The following RYR3 variants were observed in gnomAD, a reference collection of about 807,000 sequenced individuals.
RYR3 encodes ryanodine receptor 3.
Under a neutral mutation model 584.3 loss-of-function variants are expected in RYR3, and 207 were observed. The ratio of observed to expected loss-of-function variants is 0.35; its 90% CI spans 0.32 to 0.40. RYR3 has a LOEUF of 0.40. RYR3 is among the 10% of genes least tolerant of loss of function. The probability of loss-of-function intolerance (pLI) is 1.00; values close to 1 mark genes in which losing one functional copy is unlikely to be tolerated. For missense variants in RYR3, 5,616 were observed against 6,089.2 expected, an observed-to-expected ratio of 0.92 and a Z score of 2.59; for synonymous variants, 2,416 against 2,248.5, an observed-to-expected ratio of 1.07 and a Z score of -2.11.
At chr15:33,754,998 C>T in intron 57 of RYR3, 67 bp from the exon 58 acceptor site, 2 of 818,112 alleles carry the variant, frequency 2.4e-6, no homozygotes, top group South Asian at 1.4e-5. Context: ...ACTGGTAGGA[C>T]TGGTGGTGCA....
At chr15:33,490,460 C>A (rs537394367) in intron 2 of RYR3, among the ~76,000 whole-genome samples, 1 of 152,256 alleles carries the variant, frequency 6.6e-6, no homozygotes, top group African/African-American at 2.4e-5. Flanking sequence ...AATATCATCT[C>A]TTTGGGGTGG....
chr15:33,509,246 G>C (rs1445017265), intron 3 of RYR3, among the ~76,000 whole-genome samples: 1 of 152,200 alleles, frequency 6.6e-6, no homozygotes, highest in African/African-American at 2.4e-5. Context: ...AACTGTGGCT[G>C]TGCCAAGATT....
At chr15:33,426,090 T>G (rs1490027245) in intron 1 of RYR3, among the ~76,000 whole-genome samples, 1 of 152,154 alleles carries the variant, frequency 6.6e-6, no homozygotes, top group South Asian at 2.1e-4. Flanking sequence ...GAAGAGGTAT[T>G]TAATGTGAGA....
chr15:33,376,763 C>T (rs958051759), intron 1 of RYR3, among the ~76,000 whole-genome samples: 1 of 152,212 alleles, frequency 6.6e-6, no homozygotes, highest in Admixed American at 6.5e-5. Flanking sequence ...ACTTTCACAT[C>T]CATGTCTGTG....
intron 1 of RYR3, among the ~76,000 whole-genome samples, chr15:33,423,779 A>T (rs1012582369): frequency 6.6e-6 from 1 of 152,186 alleles, no homozygotes; most frequent in African/African-American, 2.4e-5. Context: ...AGCTTTGAAC[A>T]CATTTTTGTT....
Position 33,821,359 on chromosome 15 carries a change from C to T in RYR3, c.10905C>T (p.Ser3635=), listed in dbSNP as rs374681133. 18 of 1,601,044 alleles carry T rather than the reference C, an allele frequency of 1.1e-5. No homozygotes were observed. Among genetic ancestry groups the T allele is most frequent in the South Asian group, 3.4e-5 (3 of 88,216 alleles). Residue 3635 remains serine (S), a synonymous_variant, in exon 79 of 104, where the codon AGC becomes AGT. Coordinates refer to ENST00000634891, the MANE Select transcript of RYR3 (RefSeq NM_001036.6). ...CAGAGATGGTCCTTCAGATGATAAG[C>T]GCTAGCAAAGGTGATTTCCCTAGTT... ...GAAEMVLQMI[S]ASKGEMSPMV...
chr15:33,461,236 G>A (rs1596245310), intron 1 of RYR3, among the ~76,000 whole-genome samples: 1 of 151,972 alleles, frequency 6.6e-6, no homozygotes, highest in African/African-American at 2.4e-5. Flanking sequence ...GAGCCACCGC[G>A]CCCGGCCTAC....
chr15:33,383,315 A>G (rs1301084545), intron 1 of RYR3, among the ~76,000 whole-genome samples: 1 of 146,368 alleles, frequency 6.8e-6, no homozygotes, highest in Non-Finnish European at 1.5e-5. Context: ...TGCCGTCATG[A>G]GAGAGGAAAA....
chr15:33,646,254 A>C lies in RYR3; in HGVS notation c.3766-97A>C, dbSNP rs1378574331. On this transcript the variant is annotated intron_variant, in intron 28 of 103. Transcript: ENST00000634891. Reference sequence around the variant, plus strand: ...GACACAACTTACTTCTGTAGTTCACAGAATGCCTTGCCATGTGCATGTCCA... The same window carrying C: ...GACACAACTTACTTCTGTAGTTCACCGAATGCCTTGCCATGTGCATGTCCA... 2.6e-5 allele frequency: 27 copies of C among 1,040,128 alleles called. No homozygotes were observed. The East Asian group carries it at 3.2e-4, about 12-fold the overall frequency. 64.4% of individuals were successfully genotyped at this position (1,040,128 alleles called of 1,614,324 possible).
chr15:33,533,908 T>C (rs746895030), intron 5 of RYR3, among the ~76,000 whole-genome samples: 1 of 152,236 alleles, frequency 6.6e-6, no homozygotes, highest in Non-Finnish European at 1.5e-5. Flanking sequence ...TATTTAAATT[T>C]AATTACTTTT....
Position 33,859,390 on chromosome 15 carries a change from A to G in RYR3, c.14143-185A>G, listed in dbSNP as rs146781237. Among the ~76,000 whole-genome samples the G allele has an allele frequency of 1.8e-3, 270 of 152,332 alleles. 2 individuals are homozygous for G. The highest frequency in any genetic ancestry group is 6.2e-3 in the African/African-American group (256 of 41,578). On this transcript the variant is annotated intron_variant, in intron 99 of 103. Transcript: ENST00000634891. ...AACGACAGTCTTTCCATCTTTGTAGATATCAAACTGTCCAGAGGGTGCAGT... is the reference window on the plus strand; with the variant it reads ...AACGACAGTCTTTCCATCTTTGTAGGTATCAAACTGTCCAGAGGGTGCAGT...
chr15:33,761,287 A>C (rs1200142121), intron 60 of RYR3, among the ~76,000 whole-genome samples: 1 of 152,130 alleles, frequency 6.6e-6, no homozygotes, highest in Non-Finnish European at 1.5e-5. Flanking sequence ...GACACGAAAA[A>C]CCCTTAAAAA....
chr15:33,813,512 T>C lies in RYR3; in HGVS notation c.10435T>C (p.Leu3479=), dbSNP rs1354247527. ...CAAGAAGGCCGTCTGGCACAAACTG[T>C]TATCAAAGCAACGGAAACGGGCAGT... ...RSKKAVWHKL[L]SKQRKRAVVA... Residue 3479 remains leucine, a synonymous_variant, in exon 74 of 104, where the codon TTA becomes CTA. Coordinates refer to ENST00000634891, the MANE Select transcript of RYR3 (RefSeq NM_001036.6). The C allele has an allele frequency of 6.2e-7, 1 of 1,613,940 alleles. No individual in the cohort carries two copies. The highest frequency in any genetic ancestry group is 2.2e-5 in the East Asian group (1 of 44,880).
intron 68 of RYR3, 82 bp downstream of exon 68, chr15:33,800,939 C>T (rs2075885883): frequency 2.0e-6 from 2 of 1,012,122 alleles, no homozygotes; most frequent in Non-Finnish European, 3.1e-6. Flanking sequence ...AAAAAGCCAA[C>T]AGTAAAATAT....
intron 1 of RYR3, among the ~76,000 whole-genome samples, chr15:33,366,381 T>G (rs1376457655): frequency 6.6e-6 from 1 of 152,148 alleles, no homozygotes; most frequent in Non-Finnish European, 1.5e-5. Flanking sequence ...GCATAAAGCT[T>G]TCAACAGTAG....
At chr15:33,628,045 C>T (rs190072652) in intron 20 of RYR3, among the ~76,000 whole-genome samples, 2 of 152,162 alleles carry the variant, frequency 1.3e-5, no homozygotes, top group East Asian at 3.9e-4. Context: ...ATAATGAATT[C>T]AGCTTTGGGT....
In RYR3 at chr15:33,827,030, G is replaced by T. The variant is rs534964423; in HGVS notation, c.11246-169G>T. On this transcript the variant is annotated intron_variant, in intron 84 of 103. Transcript: ENST00000634891. ...TCCAGTTTCTGGTGTCCGCAGGTTG[G>T]GGGGGTGCTCAGAGCAGAGCTCTGC... is the stretch of plus-strand genomic sequence containing the variant. Among the ~76,000 whole-genome samples the T allele has an allele frequency of 1.9e-4, 29 of 152,186 alleles. No individual in the cohort carries two copies. In the South Asian group the frequency reaches 5.0e-3, roughly 26 times the overall value.
intron 52 of RYR3, 50 bp downstream of exon 52, chr15:33,742,494 A>G: frequency 8.5e-7 from 1 of 1,177,932 alleles, no homozygotes; most frequent in South Asian, 1.2e-5. Context: ...AAACAGCCCA[A>G]GAACATTAAA....
At chr15:33,440,279 C>T (rs1196921918) in intron 1 of RYR3, among the ~76,000 whole-genome samples, 1 of 152,120 alleles carries the variant, frequency 6.6e-6, no homozygotes, top group African/African-American at 2.4e-5. Flanking sequence ...AGAGTGAGAC[C>T]CTGTCTCAAA....
Sources: allele counts gnomAD v4.1 joint callset (sites outside exome capture counted in the v4.1 genomes callset), GRCh38; gene constraint gnomAD v4.1.1; transcripts MANE v1.5; gene names NCBI Gene and HGNC (gene_info 2026-07-23, HGNC 2026-07-21).